Variants in GBX2 observed in about 807,000 individuals in gnomAD.
GBX2 encodes the protein gastrulation brain homeobox 2.
A neutral mutation model predicts 22.4 loss-of-function variants in GBX2; 5 were observed. That is an observed-to-expected ratio of 0.22 (90% CI 0.12 to 0.47). The LOEUF (loss-of-function observed/expected upper bound fraction) is 0.47. Ranked by LOEUF, GBX2 falls within the 20% of genes least tolerant of loss-of-function variation. The pLI is 0.99. For synonymous variants in GBX2, 220 were observed against 230.5 expected (o/e 0.95, Z 0.41); for missense variants, 470 against 495.4 (o/e 0.95, Z 0.49).
chr2:236,161,652 G>A (rs145224210), downstream of GBX2, among the ~76,000 whole-genome samples: 682 of 152,334 alleles, frequency 4.5e-3, 2 homozygotes, highest in Admixed American at 6.7e-3. Context: ...CCAGAAGGTC[G>A]GAGCAGGCCA....
chr2:236,167,344 G>T, intron 1 of GBX2, 105 bp downstream of exon 1: 2 of 1,374,162 alleles, frequency 1.5e-6, no homozygotes, highest in East Asian at 5.2e-5. Flanking sequence ...CGGGGGTCGA[G>T]CGGGGGCGCG....
chr2:236,167,216 AGCAGCTGGTCGCCGGGC>A (rs1485372640), intron 1 of GBX2: 1 of 1,531,808 alleles, frequency 6.5e-7, no homozygotes, highest in Non-Finnish European at 8.7e-7. Context: ...GGCCCAGGGC[AGCAGCTGGTCGCCGGGC>A]GCTAAACGCC....
rs748875811 is a variant in GBX2 at position 236,166,157 on chromosome 2, G to A, written c.804C>T (p.Cys268=). 1.2e-6 allele frequency: 2 copies of A among 1,614,140 alleles called. No homozygotes were observed. The highest frequency in any genetic ancestry group is 1.7e-6 in the Non-Finnish European group (2 of 1,180,030). The part of the protein sequence containing the change: ...QLLELEKEFH[C]KKYLSLTERS... ...GCTCGGTCAAGGAGAGGTACTTTTTGCAGTGGAACTCCTTCTCTAGCTCCA... is the reference window on the plus strand; with the variant it reads ...GCTCGGTCAAGGAGAGGTACTTTTTACAGTGGAACTCCTTCTCTAGCTCCA... The change falls in exon 2 of 2, where the codon TGC becomes TGT. Residue 268 remains cysteine, a synonymous_variant. Transcript: ENST00000306318. This position sits in a 1 kb window ranked among gnomAD's most constrained non-coding sequence, Gnocchi z 6.6.
downstream of GBX2, among the ~76,000 whole-genome samples, chr2:236,163,461 G>T (rs543178490): frequency 6.6e-6 from 1 of 152,238 alleles, no homozygotes; most frequent in Non-Finnish European, 1.5e-5. Flanking sequence ...TTTCCCGCCG[G>T]GTTTGTGCGG....
In GBX2 at chr2:236,166,440, GA is replaced by G; in HGVS notation, c.524-4del. 6.2e-7 allele frequency: 1 copy of G among 1,604,300 alleles called. No homozygotes were observed. The highest frequency in any genetic ancestry group is 8.5e-7 in the Non-Finnish European group (1 of 1,172,744). Reference sequence around the variant, plus strand: ...CCCTTGCCCTCGGACAGCCCCGACTGAAAGCAAAACCAAACGGCATTTTATT... The same window carrying G: ...CCCTTGCCCTCGGACAGCCCCGACTGAAGCAAAACCAAACGGCATTTTATT... On this transcript the variant is annotated splice_polypyrimidine_tract_variant and splice_region_variant and intron_variant, in intron 1 of 1. Transcript: ENST00000306318. The surrounding 1 kb of genome is among the most constrained non-coding windows in gnomAD (Gnocchi z 6.6).
Position 236,166,195 on chromosome 2 carries a change from TG to T in GBX2, c.765del (p.Ser256AlafsTer7). Reference protein sequence around the residue: ...GKNRRRRTAFTSEQLLELEKE... With the variant: ...GKNRRRRTAFXSEQLLELEKE... ...TTCTCTAGCTCCAGCAGCTGCTCGC[TG>T]GTGAAGGCAGTCCGCCGCCGCCGGT... On this transcript the variant is annotated frameshift_variant, in exon 2 of 2. Coordinates refer to ENST00000306318, the MANE Select transcript of GBX2 (RefSeq NM_001485.4). LOFTEE classifies it high-confidence loss of function. This position sits in a 1 kb window ranked among gnomAD's most constrained non-coding sequence, Gnocchi z 6.6. The T allele has an allele frequency of 1.9e-6, 3 of 1,613,954 alleles. No homozygotes were observed. The highest frequency in any genetic ancestry group is 2.5e-6 in the Non-Finnish European group (3 of 1,180,028).
chr2:236,168,018 G>C lies in GBX2; in HGVS notation c.-47C>G. On this transcript the variant is annotated 5_prime_UTR_variant, in exon 1 of 2. Coordinates refer to ENST00000306318, the MANE Select transcript of GBX2 (RefSeq NM_001485.4). ...GCGAGAGGCGAAAAGTCCCCGCGCC[G>C]CGCCGCCGCCGGGAAGCCCGCCGGA... The C allele has an allele frequency of 7.1e-7, 1 of 1,405,432 alleles. No individual in the cohort carries two copies. The highest frequency in any genetic ancestry group is 1.6e-5 in the South Asian group (1 of 63,902). 87.1% of individuals were successfully genotyped at this position (1,405,432 alleles called of 1,614,324 possible). A position where few individuals can be genotyped will look rare whatever the true frequency, so the allele number is the denominator to read the frequency against.
chr2:236,165,777 A>C lies in GBX2; in HGVS notation c.*137T>G. On this transcript the variant is annotated 3_prime_UTR_variant, in exon 2 of 2. Transcript: ENST00000306318. Reference sequence around the variant, plus strand: ...GCAGTCTTTTAAGCCCATTTAGTGAATATATTCTCAATTTGCTTGGGATGG... The same window carrying C: ...GCAGTCTTTTAAGCCCATTTAGTGACTATATTCTCAATTTGCTTGGGATGG... The C allele has an allele frequency of 1.5e-6, 1 of 687,446 alleles. No individual in the cohort carries two copies. The highest frequency in any genetic ancestry group is 2.5e-6 in the Non-Finnish European group (1 of 402,164). The allele number at this position is 687,446 out of a possible 1,614,324, so 42.6% of individuals were successfully genotyped here.
rs769515647 is a variant in GBX2, at chr2:236,165,886, G to C, written c.*28C>G. The C allele has an allele frequency of 3.9e-6, 6 of 1,558,122 alleles. No homozygotes were observed. In the Admixed American group the frequency reaches 6.1e-5, roughly 16 times the overall value. The stretch of plus-strand genomic sequence containing the variant: ...TCGGGTGCGGGGGCTTCTCCAGGTG[G>C]GTGCCAGGCCCTGGCCCTTCTGGAC... On this transcript the variant is annotated 3_prime_UTR_variant, in exon 2 of 2. Transcript: ENST00000306318.
Position 236,167,639 on chromosome 2 carries a change from G to T in GBX2, c.333C>A (p.Gly111=). Residue 111 remains glycine (G), a synonymous_variant, in exon 1 of 2, where the codon GGC becomes GGA. Coordinates refer to ENST00000306318, the MANE Select transcript of GBX2 (RefSeq NM_001485.4). ...TSTLMATLPG[G]FSASPQHQEA... ...CCTGGTGCTGGGGCGACGCGGAGAA[G>T]CCGCCGGGGAGCGTGGCCATGAGCG... 1 of 1,593,284 alleles carries T rather than the reference G, an allele frequency of 6.3e-7. No individual in the cohort carries two copies. The highest frequency in any genetic ancestry group is 1.1e-5 in the South Asian group (1 of 89,590).
Position 236,167,383 on chromosome 2 carries a change from C to T in GBX2, c.523+66G>A, listed in dbSNP as rs1576382761. On this transcript the variant is annotated intron_variant, in intron 1 of 1. Transcript: ENST00000306318. ...TCGCCCCCTTGGTCTCCCGCGGGAA[C>T]CCGGCGCTGGCCCGCCCCCGCCTCC... 5.0e-5 allele frequency: 70 copies of T among 1,411,222 alleles called. No homozygotes were observed. The East Asian group carries it at 1.9e-3, about 38-fold the overall frequency. 87.4% of individuals were successfully genotyped at this position (1,411,222 alleles called of 1,614,324 possible). A position where few individuals can be genotyped will look rare whatever the true frequency, so the allele number is the denominator to read the frequency against.
rs1002294603 is a variant in GBX2, at chr2:236,165,530, T to C, written c.*384A>G. 1 of 173,164 alleles carries C rather than the reference T, an allele frequency of 5.8e-6. No homozygotes were observed. Among genetic ancestry groups the C allele is most frequent in the African/African-American group, 2.4e-5 (1 of 42,148 alleles). The allele number at this position is 173,164 out of a possible 1,614,324, so 10.7% of individuals were successfully genotyped here. On this transcript the variant is annotated 3_prime_UTR_variant, in exon 2 of 2. Coordinates refer to ENST00000306318, the MANE Select transcript of GBX2 (RefSeq NM_001485.4). ...CAGTGCTTGTTCTTGGGTTTCACGT[T>C]TACCTTTGGAAAAGTATGGAAAGGT...
chr2:236,161,842 C>A (rs959998850), downstream of GBX2, among the ~76,000 whole-genome samples: 8 of 152,326 alleles, frequency 5.3e-5, no homozygotes, highest in African/African-American at 1.9e-4. Context: ...CTCTGCTGCC[C>A]GCGCTGCTGA....
At position 236,166,416 on chromosome 2, in the gene GBX2, C is replaced by T. The variant is rs775193477; in HGVS notation, c.545G>A (p.Gly182Glu). 3.7e-6 allele frequency: 6 copies of T among 1,612,446 alleles called. No homozygotes were observed. The highest frequency in any genetic ancestry group is 5.1e-6 in the Non-Finnish European group (6 of 1,178,828). The change falls in exon 2 of 2, where the codon GGG (glycine) becomes GAG (glutamate). Residue 182 changes from glycine (G) to glutamate (E), a missense_variant. Transcript: ENST00000306318. The surrounding 1 kb of genome is among the most constrained non-coding windows in gnomAD (Gnocchi z 6.6). Reference protein sequence around the residue: ...ASLVGAVRGQGKDESKVEDDP... With the variant: ...ASLVGAVRGQEKDESKVEDDP... ...GTCTTCCACCTTTGACTCGTCTTTC[C>T]CTTGCCCTCGGACAGCCCCGACTGA...
chr2:236,167,330 C>T (rs10209196), intron 1 of GBX2, 119 bp downstream of exon 1: 2 of 1,386,298 alleles, frequency 1.4e-6, no homozygotes, highest in African/African-American at 2.9e-5. Flanking sequence ...TCCAGCTCCT[C>T]CCGCGGGGGT....
intron 1 of GBX2, chr2:236,167,237 A>G: frequency 6.7e-7 from 1 of 1,497,034 alleles, no homozygotes; most frequent in Non-Finnish European, 9.0e-7. Context: ...GCCGGGCGCT[A>G]AACGCCCCCC....
Position 236,167,621 on chromosome 2 carries a change from C to G in GBX2, c.351G>C (p.Gln117His), listed in dbSNP as rs760392642. ...TLPGGFSASPQHQEAAAARKF... is the reference protein window; with the variant it reads ...TLPGGFSASPHHQEAAAARKF... The stretch of plus-strand genomic sequence containing the variant: ...TGCGGGCCGCTGCCGCCTCCTGGTG[C>G]TGGGGCGACGCGGAGAAGCCGCCGG... Residue 117 changes from glutamine to histidine, a missense_variant, in exon 1 of 2, where the codon CAG (glutamine) becomes CAC (histidine). By Grantham distance (24) the Gln-to-His change is conservative (BLOSUM62 0). Around this residue, in one of 4 missense-constraint regions of GBX2, gnomAD observed 377 missense variants for 358.6 expected, o/e 1.05. Coordinates refer to ENST00000306318, the MANE Select transcript of GBX2 (RefSeq NM_001485.4). 3.1e-6 allele frequency: 5 copies of G among 1,593,942 alleles called. No individual in the cohort carries two copies. The highest frequency in any genetic ancestry group is 3.4e-6 in the Non-Finnish European group (4 of 1,174,758).
downstream of GBX2, among the ~76,000 whole-genome samples, chr2:236,163,409 G>A (rs1010782341): frequency 2.0e-5 from 3 of 152,232 alleles, no homozygotes; most frequent in Non-Finnish European, 4.4e-5. Flanking sequence ...TCCCAGGAGC[G>A]GGGCTTCCTG....
Position 236,167,466 on chromosome 2 carries a change from G to T in GBX2, c.506C>A (p.Thr169Lys). 1 of 1,552,176 alleles carries T rather than the reference G, an allele frequency of 6.4e-7. No individual in the cohort carries two copies. Residue 169 changes from threonine to lysine, a missense_variant, in exon 1 of 2, where the codon ACG becomes AAG. By Grantham distance (78) the Thr-to-Lys change is moderately conservative. Coordinates refer to ENST00000306318, the MANE Select transcript of GBX2 (RefSeq NM_001485.4). ...GSLLAFSAAE[T>K]VQASLVGAVR... ...CGACTCACCGAGCGAAGCCTGCACC[G>T]TCTCGGCCGCGGAGAAGGCGAGCAG...
Sources: gnomAD v4.1 joint callset for allele counts (sites outside exome capture counted in the v4.1 genomes callset) on GRCh38, gnomAD v4.1.1 for gene constraint, gnomAD v4.1.1 regional missense constraint, Gnocchi (gnomAD v3.1) non-coding constraint, MANE v1.5 for transcripts, NCBI Gene and HGNC (gene_info 2026-07-23, HGNC 2026-07-21) for gene names.